LIMCH1: variants seen among roughly 807,000 people sequenced by gnomAD.
The protein encoded by LIMCH1 is LIM and calponin homology domains-containing protein 1.
A neutral mutation model predicts 176.5 loss-of-function variants in LIMCH1; 113 were observed. The ratio of observed to expected loss-of-function variants is 0.64; its 90% CI spans 0.55 to 0.75. The LOEUF (loss-of-function observed/expected upper bound fraction) is 0.75. Among genes scored for constraint, LIMCH1 ranks in the 30% least tolerant of loss-of-function variants. The pLI is 0.00. For synonymous variants in LIMCH1, 619 were observed against 645.9 expected (o/e 0.96, Z 0.63); for missense variants, 1,674 against 1,814.9 (o/e 0.92, Z 1.41).
intron 1 of LIMCH1, among the ~76,000 whole-genome samples, chr4:41,380,957 C>T (rs2055573043): frequency 6.6e-6 from 1 of 152,150 alleles, no homozygotes; most frequent in African/African-American, 2.4e-5. Flanking sequence ...TTCTTATTTT[C>T]TGCACTGAAT....
At chr4:41,623,115 G>A (rs1379577500) in intron 7 of LIMCH1, among the ~76,000 whole-genome samples, 1 of 152,150 alleles carries the variant, frequency 6.6e-6, no homozygotes, top group East Asian at 1.9e-4. Flanking sequence ...CCACATTTGG[G>A]ATCCTGCTTT....
At chr4:41,360,633 G>A (rs907746711), upstream of LIMCH1, 2 of 289,300 alleles carry the variant, frequency 6.9e-6, no homozygotes, top group East Asian at 6.2e-5. The surrounding 1 kb of genome is among the most constrained non-coding windows in gnomAD (Gnocchi z 4.5). Context: ...GGTCACTCAC[G>A]GCGCGTTGGA....
chr4:41,460,826 G>A (rs754049710), intron 1 of LIMCH1, among the ~76,000 whole-genome samples: 7 of 152,076 alleles, frequency 4.6e-5, no homozygotes, highest in Non-Finnish European at 7.4e-5. Flanking sequence ...GAGCCAGAGC[G>A]CCATGCATGC....
chr4:41,514,330 C>G (rs998986890), intron 2 of LIMCH1, among the ~76,000 whole-genome samples: 2 of 152,062 alleles, frequency 1.3e-5, no homozygotes, highest in African/African-American at 4.8e-5. Context: ...GTGGAAGGTA[C>G]AGTCTCTACT....
chr4:41,665,801 A>G (rs1234367241), intron 20 of LIMCH1, among the ~76,000 whole-genome samples: 1 of 152,258 alleles, frequency 6.6e-6, no homozygotes, highest in Non-Finnish European at 1.5e-5. Context: ...AATCAGAAGC[A>G]ACAAACCAGA....
At chr4:41,538,655 A>T (rs2078232997) in intron 1 of LIMCH1, among the ~76,000 whole-genome samples, 1 of 151,294 alleles carries the variant, frequency 6.6e-6, no homozygotes, top group Non-Finnish European at 1.5e-5. Flanking sequence ...AATAAAAAGG[A>T]TTTTTGAGAA....
chr4:41,695,506 T>A (rs1395537929), intron 31 of LIMCH1, among the ~76,000 whole-genome samples: 1 of 152,068 alleles, frequency 6.6e-6, no homozygotes, highest in Non-Finnish European at 1.5e-5. Flanking sequence ...ATAAACTAAG[T>A]TCCCATATAT....
Position 41,684,432 on chromosome 4 carries a change from C to T in LIMCH1, c.3881C>T (p.Pro1294Leu). 1 of 1,613,722 alleles carries T rather than the reference C, an allele frequency of 6.2e-7. No individual in the cohort carries two copies. Among genetic ancestry groups the T allele is most frequent in the South Asian group, 1.1e-5 (1 of 91,048 alleles). The stretch of plus-strand genomic sequence containing the variant: ...GGGGCCTTGGCTCATTCTGGGAACC[C>T]TGTATCAAAAGGAGTCCATGAAGAC... ...TEGALAHSGNPVSKGVHEDHQ... is the reference protein window; with the variant it reads ...TEGALAHSGNLVSKGVHEDHQ... Residue 1294 changes from proline to leucine, a missense_variant, in exon 27 of 32, where the codon CCT becomes CTT. Physicochemically the swap from Pro to Leu is moderately conservative, Grantham distance 98. Around this residue, in one of 3 missense-constraint regions of LIMCH1, gnomAD observed 1,015 missense variants for 1,102.5 expected, o/e 0.92. Coordinates refer to ENST00000503057, the MANE Select transcript of LIMCH1 (RefSeq NM_001330672.2).
In LIMCH1 at chr4:41,451,909, C is replaced by G. The variant is rs181388497; in HGVS notation, c.97-42627C>G. ...CTTCTTACCTTTTTTCCAGATGTCT[C>G]CATGCTGGGAAGCCTCTGCCAGTTG... On this transcript the variant is annotated intron_variant, in intron 1 of 26. Transcript: ENST00000313860. 2.8e-3 allele frequency among the ~76,000 whole-genome samples: 424 copies of G among 152,300 alleles called. 1 individual carries two copies. The highest frequency in any genetic ancestry group is 4.1e-3 in the Non-Finnish European group (277 of 68,040).
intron 13 of LIMCH1, 147 bp from the exon 14 acceptor site, chr4:41,638,785 C>A: frequency 2.8e-6 from 2 of 723,740 alleles, no homozygotes; most frequent in Admixed American, 2.3e-5. Context: ...ATGAATATTG[C>A]TAATTGTATA....
intron 1 of LIMCH1, among the ~76,000 whole-genome samples, chr4:41,559,086 G>A (rs1224241477): frequency 6.6e-6 from 1 of 152,164 alleles, no homozygotes; most frequent in Non-Finnish European, 1.5e-5. Context: ...TGGCAGGATA[G>A]AGCTGGGCTG....
At chr4:41,410,567 G>T (rs1009925512) in intron 1 of LIMCH1, among the ~76,000 whole-genome samples, 1 of 152,076 alleles carries the variant, frequency 6.6e-6, no homozygotes, top group African/African-American at 2.4e-5. Flanking sequence ...TGATAGCTCT[G>T]CTTGGATGCA....
At chr4:41,370,639 G>T (rs1581131202) in intron 1 of LIMCH1, among the ~76,000 whole-genome samples, 1 of 152,198 alleles carries the variant, frequency 6.6e-6, no homozygotes, top group East Asian at 1.9e-4. Context: ...GTGACAAGTA[G>T]AAGCCTGATT....
At chr4:41,469,356 C>T (rs1385182097) in intron 1 of LIMCH1, among the ~76,000 whole-genome samples, 1 of 152,162 alleles carries the variant, frequency 6.6e-6, no homozygotes, top group Admixed American at 6.5e-5. Context: ...TATTTGCTGC[C>T]TCCCTCTTTC....
At chr4:41,490,944 G>C (rs1207293764) in intron 1 of LIMCH1, among the ~76,000 whole-genome samples, 1 of 149,310 alleles carries the variant, frequency 6.7e-6, no homozygotes, top group African/African-American at 2.5e-5. Flanking sequence ...GGGGCGGCCG[G>C]GCAGAGGCAC....
chr4:41,617,422 A>G (rs1337466530), intron 5 of LIMCH1, among the ~76,000 whole-genome samples: 1 of 152,190 alleles, frequency 6.6e-6, no homozygotes, highest in Non-Finnish European at 1.5e-5. Flanking sequence ...AAAATGGGAT[A>G]GTATCAAATG....
intron 1 of LIMCH1, among the ~76,000 whole-genome samples, chr4:41,466,774 A>T (rs1002687082): frequency 6.6e-6 from 1 of 152,176 alleles, no homozygotes; most frequent in Non-Finnish European, 1.5e-5. Flanking sequence ...AATGTACATA[A>T]CATAACATTT....
At chr4:41,606,413 T>C (rs923904630) in intron 4 of LIMCH1, among the ~76,000 whole-genome samples, 1 of 152,178 alleles carries the variant, frequency 6.6e-6, no homozygotes, top group African/African-American at 2.4e-5. Context: ...CACTGGGGCC[T>C]TGATGTGGGT....
At chr4:41,541,634 A>G (rs2078663360) in intron 1 of LIMCH1, among the ~76,000 whole-genome samples, 1 of 152,254 alleles carries the variant, frequency 6.6e-6, no homozygotes, top group Non-Finnish European at 1.5e-5. Flanking sequence ...ATTATAGAAC[A>G]GGATCATTTT....
Sources: allele counts gnomAD v4.1 joint callset (sites outside exome capture counted in the v4.1 genomes callset), GRCh38; gene constraint gnomAD v4.1.1; regional missense constraint gnomAD v4.1.1; non-coding constraint Gnocchi (gnomAD v3.1); transcripts MANE v1.5; gene names NCBI Gene and HGNC (gene_info 2026-07-23, HGNC 2026-07-21).